ZNF704: variants seen among roughly 807,000 people sequenced by gnomAD.
ZNF704 encodes the protein zinc finger protein 704.
ZNF704 carries 10 observed loss-of-function variants against 44.7 expected under a neutral mutation model. That is an observed-to-expected ratio of 0.22 (90% CI 0.14 to 0.38). The LOEUF is 0.38. Among genes scored for constraint, ZNF704 ranks in the 10% least tolerant of loss-of-function variants. The pLI is 1.00. For missense variants in ZNF704, 390 were observed against 545.5 expected, an observed-to-expected ratio of 0.71 and a Z score of 2.84; for synonymous variants, 211 against 207.6, an observed-to-expected ratio of 1.02 and a Z score of -0.14.
intron 2 of ZNF704, among the ~76,000 whole-genome samples, chr8:80,764,486 C>T (rs1807193759): frequency 6.6e-6 from 1 of 152,162 alleles, no homozygotes; most frequent in Non-Finnish European, 1.5e-5. Context: ...CAATCACGTC[C>T]CTCCCTCGAC....
chr8:80,718,701 C>T (rs1285362133), intron 2 of ZNF704, among the ~76,000 whole-genome samples: 1 of 152,136 alleles, frequency 6.6e-6, no homozygotes, highest in Non-Finnish European at 1.5e-5. Flanking sequence ...CTAGATCAAC[C>T]CACCCCCAAA....
chr8:80,631,281 C>T lies in ZNF704; in HGVS notation c.*10085G>A, dbSNP rs957259666. 5.3e-5 allele frequency: 8 copies of T among 152,176 alleles called. No individual in the cohort carries two copies. The highest frequency in any genetic ancestry group is 1.9e-4 in the African/African-American group (8 of 41,428). The allele number at this position is 152,176 out of a possible 1,614,324, so 9.4% of individuals were successfully genotyped here. A position where few individuals can be genotyped will look rare whatever the true frequency, so the allele number is the denominator to read the frequency against. On this transcript the variant is annotated 3_prime_UTR_variant, in exon 9 of 9. Coordinates refer to ENST00000327835, the MANE Select transcript of ZNF704 (RefSeq NM_001033723.3). ...AGGGGTATATTCACACTCTGGCAGC[C>T]GCTCTTCCTCTTTCCTCTCGGTCCC...
At chr8:80,764,432 A>G (rs558672006) in intron 2 of ZNF704, among the ~76,000 whole-genome samples, 1 of 152,284 alleles carries the variant, frequency 6.6e-6, no homozygotes, top group South Asian at 2.1e-4. Context: ...ATCTCATGAG[A>G]ACTCACTATC....
chr8:80,701,737 T>C (rs1356237755), intron 2 of ZNF704, among the ~76,000 whole-genome samples: 1 of 152,078 alleles, frequency 6.6e-6, no homozygotes, highest in Non-Finnish European at 1.5e-5. Flanking sequence ...TTAAGTGATG[T>C]AGAGAGATCA....
rs772843123 is a variant in ZNF704 at position 80,829,859 on chromosome 8, T to C, written c.-21-8244A>G. 5.6e-4 allele frequency among the ~76,000 whole-genome samples: 85 copies of C among 152,252 alleles called. No individual in the cohort carries two copies. In the Middle Eastern group the frequency reaches 0.014, roughly 24 times the overall value. ...TTAGCCCAGACTTCTTATTTAAAAG[T>C]AGAATTAAAATGATCAAAAAGGACC... On this transcript the variant is annotated intron_variant, in intron 1 of 8. Coordinates refer to ENST00000327835, the MANE Select transcript of ZNF704 (RefSeq NM_001033723.3).
chr8:80,679,786 G>C (rs1162159929), intron 4 of ZNF704, among the ~76,000 whole-genome samples: 3 of 152,228 alleles, frequency 2.0e-5, no homozygotes, highest in Non-Finnish European at 4.4e-5. Flanking sequence ...CCCAGGAGGA[G>C]CTGAAGCTCC....
chr8:80,826,755 C>G (rs1448649017), intron 1 of ZNF704, among the ~76,000 whole-genome samples: 1 of 152,136 alleles, frequency 6.6e-6, no homozygotes, highest in East Asian at 1.9e-4. Flanking sequence ...CCCTGGGATG[C>G]AAGGCTGGTT....
At chr8:80,808,436 A>G (rs997303569) in intron 2 of ZNF704, among the ~76,000 whole-genome samples, 5 of 152,236 alleles carry the variant, frequency 3.3e-5, no homozygotes, top group Non-Finnish European at 7.3e-5. Flanking sequence ...CATCAACTCC[A>G]AATGTTAATT....
chr8:80,746,524 G>A (rs1172962831), intron 2 of ZNF704, among the ~76,000 whole-genome samples: 1 of 152,198 alleles, frequency 6.6e-6, no homozygotes, highest in Admixed American at 6.5e-5. Context: ...CCTTGGGCAA[G>A]ATGTTTAAGT....
chr8:80,693,563 G>C (rs1818676157), intron 2 of ZNF704, among the ~76,000 whole-genome samples: 1 of 152,202 alleles, frequency 6.6e-6, no homozygotes, highest in Non-Finnish European at 1.5e-5. Context: ...GCCTGTAGGG[G>C]CTGCATCTAA....
chr8:80,732,761 T>C (rs1420094905), intron 2 of ZNF704, among the ~76,000 whole-genome samples: 2 of 151,976 alleles, frequency 1.3e-5, no homozygotes, highest in African/African-American at 2.4e-5. Context: ...TTTGAGACTA[T>C]CTTGGGCTAC....
chr8:80,769,884 A>G (rs1185307634), intron 2 of ZNF704, among the ~76,000 whole-genome samples: 2 of 152,150 alleles, frequency 1.3e-5, no homozygotes, highest in Non-Finnish European at 2.9e-5. Context: ...TCATGCTGCT[A>G]AGACATACCT....
intron 4 of ZNF704, among the ~76,000 whole-genome samples, chr8:80,683,746 A>G (rs1312857295): frequency 6.6e-6 from 1 of 152,252 alleles, no homozygotes; most frequent in Non-Finnish European, 1.5e-5. Flanking sequence ...AAGCAAATAT[A>G]GTGATTATCA....
chr8:80,870,235 C>A (rs183834672), intron 1 of ZNF704, among the ~76,000 whole-genome samples: 2 of 152,166 alleles, frequency 1.3e-5, no homozygotes, highest in Admixed American at 6.5e-5. Context: ...AAACTAATAA[C>A]CCCTCTTCCA....
intron 6 of ZNF704, 98 bp from the exon 7 acceptor site, chr8:80,659,787 G>A: frequency 9.7e-7 from 1 of 1,029,506 alleles, no homozygotes; most frequent in Non-Finnish European, 1.5e-6. Context: ...AATGGTCTCA[G>A]CTATATTAAT....
chr8:80,714,726 C>A (rs1819045085), intron 2 of ZNF704, among the ~76,000 whole-genome samples: 1 of 152,122 alleles, frequency 6.6e-6, no homozygotes. Flanking sequence ...ACTGATAAGT[C>A]ACCTTCTAAG....
At chr8:80,658,774 T>A (rs945934856) in intron 7 of ZNF704, 2 of 152,218 alleles carry the variant, frequency 1.3e-5, no homozygotes, top group African/African-American at 4.8e-5. Context: ...GCGTTAGACT[T>A]TGCTGGAAAC....
chr8:80,870,819 C>A (rs1362675186), intron 1 of ZNF704, among the ~76,000 whole-genome samples: 1 of 152,134 alleles, frequency 6.6e-6, no homozygotes, highest in East Asian at 1.9e-4. Flanking sequence ...CCTGACCTCT[C>A]CTATCCACTC....
chr8:80,730,988 G>C (rs1201439690), intron 2 of ZNF704, among the ~76,000 whole-genome samples: 2 of 152,158 alleles, frequency 1.3e-5, no homozygotes, highest in African/African-American at 4.8e-5. Flanking sequence ...GTTCACTGGA[G>C]AATACTTTTA....
Sources: gnomAD v4.1 joint callset for allele counts (sites outside exome capture counted in the v4.1 genomes callset) on GRCh38, gnomAD v4.1.1 for gene constraint, MANE v1.5 for transcripts, NCBI Gene and HGNC (gene_info 2026-07-23, HGNC 2026-07-21) for gene names.